The following TMEM165 variants were observed in gnomAD, a reference collection of about 807,000 sequenced individuals.
TMEM165 encodes the protein putative divalent cation/proton antiporter TMEM165.
TMEM165 carries 19 observed loss-of-function variants against 30.0 expected under a neutral mutation model. That is an observed-to-expected ratio of 0.63 (90% CI 0.44 to 0.93). The LOEUF is 0.93. TMEM165 is among the 40% of genes least tolerant of loss of function. TMEM165 has a pLI of 0.00. For synonymous variants in TMEM165, 168 were observed against 162.9 expected, an observed-to-expected ratio of 1.03 and a Z score of -0.24; for missense variants, 340 against 417.0, an observed-to-expected ratio of 0.82 and a Z score of 1.61.
intron 3 of TMEM165, among the ~76,000 whole-genome samples, chr4:55,440,526 T>A (rs1303165773): frequency 6.6e-6 from 1 of 152,208 alleles, no homozygotes; most frequent in Admixed American, 6.5e-5. Flanking sequence ...ATATTACACT[T>A]AGTACAGATC....
At chr4:55,396,464 T>A in intron 1 of TMEM165, 68 bp downstream of exon 1, 1 of 1,278,350 alleles carries the variant, frequency 7.8e-7, no homozygotes, top group Non-Finnish European at 1.0e-6. Flanking sequence ...GCTCCAGGCC[T>A]TTGAAAGCGC....
chr4:55,404,005 TC>T (rs1365319545), intron 1 of TMEM165, among the ~76,000 whole-genome samples: 4 of 151,838 alleles, frequency 2.6e-5, no homozygotes, highest in African/African-American at 9.7e-5. Flanking sequence ...ACTATTAGTT[TC>T]GTTTTCTTTC....
chr4:55,433,639 C>G (rs931415564), intron 3 of TMEM165: 3 of 152,160 alleles, frequency 2.0e-5, no homozygotes, highest in African/African-American at 7.2e-5. Context: ...TCCCTTTCCT[C>G]AGTAATAACA....
chr4:55,411,527 T>G, intron 1 of TMEM165, 87 bp from the exon 2 acceptor site: 1 of 1,274,058 alleles, frequency 7.8e-7, no homozygotes, highest in Non-Finnish European at 1.1e-6. Flanking sequence ...GACAAGAAAA[T>G]TTTCAAAAAA....
Position 55,411,646 on chromosome 4 carries a change from C to T in TMEM165, c.240C>T (p.Thr80=), listed in dbSNP as rs752800826. 1.2e-6 allele frequency: 2 copies of T among 1,613,898 alleles called. No individual in the cohort carries two copies. The highest frequency in any genetic ancestry group is 2.2e-5 in the East Asian group (1 of 44,878). ...KIFTPAAPVH[T]NKEDPATQTN... ...TTACACCAGCAGCTCCAGTTCATACCAATAAAGAAGATCCTGCTACCCAAA... is the reference window on the plus strand; with the variant it reads ...TTACACCAGCAGCTCCAGTTCATACTAATAAAGAAGATCCTGCTACCCAAA... Residue 80 remains threonine (T), a synonymous_variant, in exon 2 of 6, where the codon ACC becomes ACT. Transcript: ENST00000381334.
intron 1 of TMEM165, among the ~76,000 whole-genome samples, chr4:55,400,293 TA>T (rs1455408358): frequency 3.0e-5 from 3 of 100,500 alleles, no homozygotes; most frequent in South Asian, 2.3e-4. Context: ...ATATATTATA[TA>T]TAATATTATA....
intron 3 of TMEM165, chr4:55,448,921 T>A: frequency 7.7e-7 from 1 of 1,303,512 alleles, no homozygotes; most frequent in Non-Finnish European, 1.1e-6. Context: ...CATACATGAG[T>A]ACTTCCAGCA....
At chr4:55,401,076 C>T (rs1002299059) in intron 1 of TMEM165, among the ~76,000 whole-genome samples, 1 of 150,448 alleles carries the variant, frequency 6.6e-6, no homozygotes, top group Non-Finnish European at 1.5e-5. Context: ...GGAAGCATCT[C>T]TCCTTGGTTA....
At chr4:55,425,097 T>C (rs1032295475) in intron 5 of TMEM165, among the ~76,000 whole-genome samples, 6 of 152,234 alleles carry the variant, frequency 3.9e-5, no homozygotes, top group Non-Finnish European at 7.3e-5. Flanking sequence ...AGATGAGTTA[T>C]AGTTCTACTG....
intron 1 of TMEM165, among the ~76,000 whole-genome samples, chr4:55,407,120 G>C (rs56139168): frequency 0.16 from 24,549 of 152,126 alleles, 2,567 homozygotes; most frequent in Non-Finnish European, 0.21. Flanking sequence ...TATTGTAGTG[G>C]GTCAGGATCA....
intron 1 of TMEM165, among the ~76,000 whole-genome samples, chr4:55,401,248 C>T (rs1720984584): frequency 6.6e-6 from 1 of 150,678 alleles, no homozygotes; most frequent in Non-Finnish European, 1.5e-5. Flanking sequence ...AACTTAAAAT[C>T]AAGATTAACC....
intron 1 of TMEM165, chr4:55,399,155 CAGAG>C (rs1159600912): frequency 6.6e-6 from 1 of 152,056 alleles, no homozygotes; most frequent in African/African-American, 2.4e-5. Context: ...CCCATGGTAA[CAGAG>C]AGATATAATG....
In TMEM165 at chr4:55,437,675, G is replaced by A. The variant is rs191000367; in HGVS notation, c.408+13032G>A. Among the ~76,000 whole-genome samples the A allele has an allele frequency of 4.6e-5, 7 of 152,222 alleles. No individual in the cohort carries two copies. In the East Asian group the frequency reaches 1.4e-3, roughly 29 times the overall value. Reference sequence around the variant, plus strand: ...AATTATTATGACCTCCACTTTACACGTGACGTTTACCAAGAGTAAGCAACC... The same window carrying A: ...AATTATTATGACCTCCACTTTACACATGACGTTTACCAAGAGTAAGCAACC... On this transcript the variant is annotated intron_variant, in intron 3 of 3. Transcript: ENST00000608091.
chr4:55,425,463 G>C lies in TMEM165; in HGVS notation c.*11G>C. The C allele has an allele frequency of 6.3e-7, 1 of 1,598,268 alleles. No homozygotes were observed. Among genetic ancestry groups the C allele is most frequent in the Non-Finnish European group, 8.6e-7 (1 of 1,166,490 alleles). On this transcript the variant is annotated 3_prime_UTR_variant, in exon 6 of 6. Coordinates refer to ENST00000381334, the MANE Select transcript of TMEM165 (RefSeq NM_018475.5). ...GATTCTGGTTTTTAACAAGCTGTTT[G>C]TTCATCTATATTTAGTTTAAAATAG...
At chr4:55,407,285 T>C (rs563374596) in intron 1 of TMEM165, among the ~76,000 whole-genome samples, 49 of 152,308 alleles carry the variant, frequency 3.2e-4, no homozygotes, top group African/African-American at 1.1e-3. Context: ...AAGCCTGTCA[T>C]GCTTTCGAGC....
In TMEM165 at chr4:55,425,741, A is replaced by AT. The variant is rs535050410; in HGVS notation, c.*290dup. The AT allele has an allele frequency of 5.9e-5, 13 of 222,102 alleles. No homozygotes were observed. In the South Asian group the frequency reaches 1.5e-3, roughly 25 times the overall value. The allele number at this position is 222,102 out of a possible 1,614,324, so 13.8% of individuals were successfully genotyped here. A position where few individuals can be genotyped will look rare whatever the true frequency, so the allele number is the denominator to read the frequency against. ...GAACCGTTGTGCAGTGGGGTCTACC[A>AT]TGCAATTTTCTTTCAGCACTGACCC... is the stretch of plus-strand genomic sequence containing the variant. On this transcript the variant is annotated 3_prime_UTR_variant, in exon 6 of 6. Transcript: ENST00000381334.
rs1560399329 is a variant in TMEM165, at chr4:55,425,454, A to T, written c.*2A>T. 5.4e-6 allele frequency: 4 copies of T among 736,254 alleles called. No individual in the cohort carries two copies. The highest frequency in any genetic ancestry group is 7.1e-6 in the Non-Finnish European group (4 of 564,022). The allele number at this position is 736,254 out of a possible 1,614,324, so 45.6% of individuals were successfully genotyped here. A position where few individuals can be genotyped will look rare whatever the true frequency, so the allele number is the denominator to read the frequency against. On this transcript the variant is annotated 3_prime_UTR_variant, in exon 6 of 6. Transcript: ENST00000381334. ...ATAAGCCCTGATTCTGGTTTTTAAC[A>T]AGCTGTTTGTTCATCTATATTTAGT... is the stretch of plus-strand genomic sequence containing the variant.
At chr4:55,403,280 A>G (rs1012513795) in intron 1 of TMEM165, 1 of 1,284,434 alleles carries the variant, frequency 7.8e-7, no homozygotes, top group Admixed American at 2.3e-5. Context: ...ATTTTGTTTC[A>G]AGGAAAGCAT....
intron 4 of TMEM165, among the ~76,000 whole-genome samples, chr4:55,419,667 A>G (rs1156884363): frequency 1.3e-5 from 2 of 152,220 alleles, no homozygotes; most frequent in Admixed American, 1.3e-4. Context: ...CCTCTTTTTC[A>G]TCTTAACTGA....
Sources: allele counts gnomAD v4.1 joint callset (sites outside exome capture counted in the v4.1 genomes callset), GRCh38; gene constraint gnomAD v4.1.1; transcripts MANE v1.5; gene names NCBI Gene and HGNC (gene_info 2026-07-23, HGNC 2026-07-21).